The following TOMM20 variants were observed in gnomAD, a reference collection of about 807,000 sequenced individuals.
TOMM20 encodes the protein mitochondrial import receptor subunit TOM20 homolog.
A neutral mutation model predicts 22.1 loss-of-function variants in TOMM20; 10 were observed. That is an observed-to-expected ratio of 0.45 (90% CI 0.28 to 0.77). The LOEUF is 0.77. Ranked by LOEUF, TOMM20 falls within the 30% of genes least tolerant of loss-of-function variation. The pLI, the probability that TOMM20 is intolerant of heterozygous loss-of-function variation, is 0.13. For synonymous variants in TOMM20, 55 were observed against 61.4 expected, an observed-to-expected ratio of 0.90 and a Z score of 0.49; for missense variants, 121 against 172.2, an observed-to-expected ratio of 0.70 and a Z score of 1.66.
intron 1 of TOMM20, among the ~76,000 whole-genome samples, chr1:235,126,893 G>T (rs761666479): frequency 9.9e-5 from 15 of 152,148 alleles, no homozygotes; most frequent in Non-Finnish European, 1.5e-5. Context: ...TTACAAAAAG[G>T]GAAAACTAAA....
intron 3 of TOMM20, 92 bp from the exon 4 acceptor site, chr1:235,114,002 A>G: frequency 7.3e-7 from 1 of 1,368,386 alleles, no homozygotes; most frequent in Non-Finnish European, 9.9e-7. Flanking sequence ...GATGCTGACC[A>G]AAAACACTAA....
chr1:235,123,210 G>A (rs966236374), intron 1 of TOMM20, among the ~76,000 whole-genome samples: 3 of 152,136 alleles, frequency 2.0e-5, no homozygotes, highest in African/African-American at 2.4e-5. Context: ...TCTGAGGGCC[G>A]GGCCCAGTGG....
intron 1 of TOMM20, chr1:235,127,935 C>A (rs1465175678): frequency 1.9e-6 from 1 of 518,008 alleles, no homozygotes; most frequent in Non-Finnish European, 3.9e-6. Flanking sequence ...TTTAAGAATG[C>A]AGCAATGAGC....
At position 235,109,495 on chromosome 1, in the gene TOMM20, T is replaced by C. The variant is rs1660698908; in HGVS notation, c.*2569A>G. ...CAATAACATCTCATTAACACTCTGG[T>C]CCACATGTTGATTTAATAAAGTCAG... On this transcript the variant is annotated 3_prime_UTR_variant, in exon 5 of 5. Coordinates refer to ENST00000366607, the MANE Select transcript of TOMM20 (RefSeq NM_014765.3). 1 of 152,232 alleles carries C rather than the reference T, an allele frequency of 6.6e-6. No individual in the cohort carries two copies. The highest frequency in any genetic ancestry group is 2.1e-4 in the South Asian group (1 of 4,828). The allele number at this position is 152,232 out of a possible 1,614,324, so 9.4% of individuals were successfully genotyped here.
chr1:235,119,999 C>A, intron 2 of TOMM20, 100 bp from the exon 3 acceptor site: 1 of 667,990 alleles, frequency 1.5e-6, no homozygotes, highest in Admixed American at 3.5e-5. Flanking sequence ...AACCAAATCA[C>A]TCATTCTAAA....
chr1:235,124,115 G>C (rs539725764), intron 1 of TOMM20, among the ~76,000 whole-genome samples: 1 of 152,264 alleles, frequency 6.6e-6, no homozygotes, highest in Non-Finnish European at 1.5e-5. Flanking sequence ...GGGAGGCCAA[G>C]GCGGGCGGAT....
chr1:235,124,629 CA>C (rs1264870491), intron 1 of TOMM20, among the ~76,000 whole-genome samples: 1 of 152,076 alleles, frequency 6.6e-6, no homozygotes, highest in Non-Finnish European at 1.5e-5. Context: ...GGGAAAATGA[CA>C]AAACTGATAA....
intron 2 of TOMM20, 61 bp from the exon 3 acceptor site, chr1:235,119,960 C>T: frequency 1.9e-6 from 2 of 1,058,832 alleles, no homozygotes; most frequent in South Asian, 1.7e-5. Context: ...AACCAATACA[C>T]AGATATCAAT....
intron 3 of TOMM20, among the ~76,000 whole-genome samples, chr1:235,116,978 A>G (rs570051821): frequency 1.3e-5 from 2 of 151,024 alleles, no homozygotes; most frequent in East Asian, 3.9e-4. Flanking sequence ...TACTAAAAAT[A>G]CAAAAAACTA....
At chr1:235,126,439 C>T (rs1661023982) in intron 1 of TOMM20, among the ~76,000 whole-genome samples, 1 of 151,288 alleles carries the variant, frequency 6.6e-6, no homozygotes, top group Admixed American at 6.6e-5. Context: ...GCCTCAATTA[C>T]CTGTGAACAG....
In TOMM20 at chr1:235,111,056, T is replaced by C. The variant is rs1383194642; in HGVS notation, c.*1008A>G. The C allele has an allele frequency of 6.6e-6, 1 of 152,196 alleles. No individual in the cohort carries two copies. The highest frequency in any genetic ancestry group is 1.5e-5 in the Non-Finnish European group (1 of 68,052). The allele number at this position is 152,196 out of a possible 1,614,324, so 9.4% of individuals were successfully genotyped here. On this transcript the variant is annotated 3_prime_UTR_variant, in exon 5 of 5. Transcript: ENST00000366607. ...GGCAACAAGCATTTTTACAAGCAGA[T>C]CATCCCAGTTACCTTAAAAGTTTCG...
rs368600952 is a variant in TOMM20, at chr1:235,123,666, G to C, written c.122-1294C>G. On this transcript the variant is annotated intron_variant, in intron 1 of 4. Coordinates refer to ENST00000366607, the MANE Select transcript of TOMM20 (RefSeq NM_014765.3). ...AATTCTAGCCATTTCAACAGAAAAA[G>C]TATGCATTAAAGTTGATCTTATGTA... 4.9e-4 allele frequency among the ~76,000 whole-genome samples: 74 copies of C among 152,294 alleles called. 2 individuals carry two copies. The South Asian group carries it at 0.015, about 32-fold the overall frequency.
rs1660728621 is a variant in TOMM20 at position 235,110,861 on chromosome 1, C to T, written c.*1203G>A. On this transcript the variant is annotated 3_prime_UTR_variant, in exon 5 of 5. Coordinates refer to ENST00000366607, the MANE Select transcript of TOMM20 (RefSeq NM_014765.3). The stretch of plus-strand genomic sequence containing the variant: ...CCACCAAGTACCAAGGATCCTTACT[C>T]AGTTCTGAAACTGTGACTACGGAGA... The T allele has an allele frequency of 6.6e-6, 1 of 152,210 alleles. No homozygotes were observed. The highest frequency in any genetic ancestry group is 1.5e-5 in the Non-Finnish European group (1 of 68,036). The allele number at this position is 152,210 out of a possible 1,614,324, so 9.4% of individuals were successfully genotyped here.
At chr1:235,127,775 G>C (rs765301468) in intron 1 of TOMM20, 2 of 474,664 alleles carry the variant, frequency 4.2e-6, no homozygotes, top group Non-Finnish European at 8.5e-6. Context: ...TTCATGACAC[G>C]ATTCCCCTCT....
chr1:235,128,273 G>A (rs1263517918), intron 1 of TOMM20, among the ~76,000 whole-genome samples: 1 of 152,222 alleles, frequency 6.6e-6, no homozygotes, highest in Admixed American at 6.5e-5. Flanking sequence ...TAAGAGTAGA[G>A]GTTTAAAAAG....
At chr1:235,118,306 T>C (rs1180543894) in intron 3 of TOMM20, among the ~76,000 whole-genome samples, 1 of 152,196 alleles carries the variant, frequency 6.6e-6, no homozygotes, top group East Asian at 1.9e-4. Flanking sequence ...AAAATCTATC[T>C]ATCAGCATAG....
chr1:235,111,867 C>A lies in TOMM20; in HGVS notation c.*197G>T, dbSNP rs113022632. 712 of 565,168 alleles carry A rather than the reference C, an allele frequency of 1.3e-3. No homozygotes were observed. In the African/African-American group the frequency reaches 0.013, roughly 10 times the overall value. The allele number at this position is 565,168 out of a possible 1,614,324, so 35.0% of individuals were successfully genotyped here. The stretch of plus-strand genomic sequence containing the variant: ...TAGTGTATTTATAGAATGAAAAGTT[C>A]TCTATCAAAATACACTTTTCACTGG... On this transcript the variant is annotated 3_prime_UTR_variant, in exon 5 of 5. Coordinates refer to ENST00000366607, the MANE Select transcript of TOMM20 (RefSeq NM_014765.3).
chr1:235,111,454 G>A lies in TOMM20; in HGVS notation c.*610C>T, dbSNP rs1339157677. 6.6e-6 allele frequency: 1 copy of A among 152,582 alleles called. No individual in the cohort carries two copies. Among genetic ancestry groups the A allele is most frequent in the East Asian group, 1.9e-4 (1 of 5,212 alleles). 9.5% of individuals were successfully genotyped at this position (152,582 alleles called of 1,614,324 possible). A position where few individuals can be genotyped will look rare whatever the true frequency, so the allele number is the denominator to read the frequency against. ...ACTACATATATTTAAAATACAAGGAGATAAATACCCAGAACACATTAAGCC... is the reference window on the plus strand; with the variant it reads ...ACTACATATATTTAAAATACAAGGAAATAAATACCCAGAACACATTAAGCC... On this transcript the variant is annotated 3_prime_UTR_variant, in exon 5 of 5. Coordinates refer to ENST00000366607, the MANE Select transcript of TOMM20 (RefSeq NM_014765.3).
chr1:235,125,769 T>TCGCTCTGTCCC (rs1180285262), intron 1 of TOMM20, among the ~76,000 whole-genome samples: 1 of 150,332 alleles, frequency 6.7e-6, no homozygotes, highest in South Asian at 2.1e-4. Context: ...AGACCGAGTC[T>TCGCTCTGTCCC]CGCTCTGTCC....
Sources: gnomAD v4.1 joint callset for allele counts (sites outside exome capture counted in the v4.1 genomes callset) on GRCh38, gnomAD v4.1.1 for gene constraint, MANE v1.5 for transcripts, NCBI Gene and HGNC (gene_info 2026-07-23, HGNC 2026-07-21) for gene names.